The following LAMC1 variants were observed in gnomAD, a reference collection of about 807,000 sequenced individuals.
LAMC1 encodes laminin subunit gamma 1.
In LAMC1, 38 loss-of-function variants were observed where a neutral mutation model predicts 173.6. The observed-to-expected ratio is 0.22, with a 90% CI of 0.17 to 0.29. The LOEUF (loss-of-function observed/expected upper bound fraction) is 0.29, where lower values mean the gene tolerates loss of function less well. Ranked by LOEUF, LAMC1 falls within the 10% of genes least tolerant of loss-of-function variation. The pLI is 1.00. For missense variants in LAMC1, 1,824 were observed against 2,051.8 expected (o/e 0.89, Z 2.14); for synonymous variants, 746 against 749.1 (o/e 1.00, Z 0.07).
chr1:183,117,614 C>G lies in LAMC1; in HGVS notation c.1768C>G (p.Leu590Val), dbSNP rs1369491591. 3.1e-6 allele frequency: 5 copies of G among 1,614,198 alleles called. No homozygotes were observed. Among genetic ancestry groups the G allele is most frequent in the Non-Finnish European group, 3.4e-6 (4 of 1,180,026 alleles). Residue 590 changes from leucine to valine, a missense_variant, in exon 10 of 28, where the codon CTC becomes GTC. Coordinates refer to ENST00000258341, the MANE Select transcript of LAMC1 (RefSeq NM_002293.4). ...TCGAGTGGACAGGCGAGATACTCGC[C>G]TCTCTGCAGAAGACCTTGTGCTTGA... Reference protein sequence around the residue: ...SFRVDRRDTRLSAEDLVLEGA... With the variant: ...SFRVDRRDTRVSAEDLVLEGA...
In LAMC1 at chr1:183,091,328, A is replaced by G. The variant is rs574784169; in HGVS notation, c.419-12000A>G. 2.6e-5 allele frequency among the ~76,000 whole-genome samples: 4 copies of G among 152,250 alleles called. No individual in the cohort carries two copies. The South Asian group carries it at 6.2e-4, about 24-fold the overall frequency. On this transcript the variant is annotated intron_variant, in intron 1 of 27. Transcript: ENST00000258341. ...TTGCTGGCCATGCAGGGTCTCCACA[A>G]TTGCCCAACCCTGCCCTTGTAGCCA...
chr1:183,080,719 G>C (rs539121406), intron 1 of LAMC1, among the ~76,000 whole-genome samples: 1 of 151,170 alleles, frequency 6.6e-6, no homozygotes, highest in Non-Finnish European at 1.5e-5. Flanking sequence ...TTTAAATCCT[G>C]TGTTAAACAA....
intron 1 of LAMC1, among the ~76,000 whole-genome samples, chr1:183,034,673 AAT>A (rs1407599282): frequency 1.6e-4 from 24 of 152,212 alleles, no homozygotes; most frequent in African/African-American, 5.8e-4. Context: ...GAAGAAAAGT[AAT>A]AGACATGAGT....
chr1:183,140,445 A>G lies in LAMC1; in HGVS notation c.4515A>G (p.Lys1505=), dbSNP rs769896027. 2 of 1,613,758 alleles carry G rather than the reference A, an allele frequency of 1.2e-6. No homozygotes were observed. The highest frequency in any genetic ancestry group is 1.7e-6 in the Non-Finnish European group (2 of 1,179,864). ...AAGAAGCCGAGATCAATGCCAGAAA[A>G]GCCAAAAACTCTGTTACTAGCCTCC... ...AAQEAEINAR[K]AKNSVTSLLS... The change falls in exon 27 of 28, where the codon AAA becomes AAG. Residue 1505 remains lysine (K), a synonymous_variant. Transcript: ENST00000258341.
At chr1:183,119,195 T>C (rs2027083) in intron 11 of LAMC1, among the ~76,000 whole-genome samples, 78,692 of 151,896 alleles carry the variant, frequency 0.52, 21,082 homozygotes, top group South Asian at 0.65. Flanking sequence ...CTGCACCCGG[T>C]CAAAATTTTT....
Position 183,024,141 on chromosome 1 carries a change from G to C in LAMC1, c.418+7G>C. 1.3e-6 allele frequency: 2 copies of C among 1,557,206 alleles called. No individual in the cohort carries two copies. Among genetic ancestry groups the C allele is most frequent in the Non-Finnish European group, 1.7e-6 (2 of 1,150,278 alleles). Reference sequence around the variant, plus strand: ...AACCTCACGCTGCACCTGGGTAAGCGGTGACAGCCCCGTCCCCTGCTACTG... The same window carrying C: ...AACCTCACGCTGCACCTGGGTAAGCCGTGACAGCCCCGTCCCCTGCTACTG... On this transcript the variant is annotated splice_region_variant and intron_variant, in intron 1 of 27. Coordinates refer to ENST00000258341, the MANE Select transcript of LAMC1 (RefSeq NM_002293.4).
At chr1:183,095,065 C>G (rs1655658505) in intron 1 of LAMC1, among the ~76,000 whole-genome samples, 1 of 152,096 alleles carries the variant, frequency 6.6e-6, no homozygotes. Flanking sequence ...AGGCTGGTCT[C>G]CAACTCCCAA....
At chr1:183,069,736 A>T (rs1468998295) in intron 1 of LAMC1, among the ~76,000 whole-genome samples, 1 of 152,220 alleles carries the variant, frequency 6.6e-6, no homozygotes, top group African/African-American at 2.4e-5. Context: ...AGTAAGGAGC[A>T]TCGGCTGAGT....
At chr1:183,033,302 C>CT (rs1157134052) in intron 1 of LAMC1, among the ~76,000 whole-genome samples, 1 of 152,200 alleles carries the variant, frequency 6.6e-6, no homozygotes, top group Non-Finnish European at 1.5e-5. Flanking sequence ...CCCTCTCATA[C>CT]AATCAAGCTT....
chr1:183,048,854 C>A (rs759280603), intron 1 of LAMC1, among the ~76,000 whole-genome samples: 8 of 152,162 alleles, frequency 5.3e-5, no homozygotes, highest in Non-Finnish European at 1.2e-4. Context: ...CCCTTCCGCT[C>A]TGTTGTACAC....
chr1:183,129,694 A>G lies in LAMC1; in HGVS notation c.3281-650A>G, dbSNP rs1295954076. Among the ~76,000 whole-genome samples, 5 of 152,162 alleles carry G rather than the reference A, an allele frequency of 3.3e-5. No homozygotes were observed. In the East Asian group the frequency reaches 9.6e-4, roughly 29 times the overall value. On this transcript the variant is annotated intron_variant, in intron 18 of 27. Transcript: ENST00000258341. ...AACCTCATGATACATGAGAGTTTTA[A>G]TAATAACAGACTTATATTTATCTTT...
intron 3 of LAMC1, among the ~76,000 whole-genome samples, chr1:183,108,840 A>T (rs1055222835): frequency 3.9e-5 from 6 of 152,226 alleles, no homozygotes. Context: ...TTTTTAAAAA[A>T]TAGATAAAGC....
chr1:183,114,278 C>A (rs1656252132), intron 4 of LAMC1, among the ~76,000 whole-genome samples: 2 of 152,264 alleles, frequency 1.3e-5, no homozygotes, highest in South Asian at 4.2e-4. Flanking sequence ...ACCGTGTTGG[C>A]CAGGCTGGTC....
chr1:183,141,076 C>T (rs1657099831), intron 27 of LAMC1: 1 of 152,168 alleles, frequency 6.6e-6, no homozygotes, highest in Non-Finnish European at 1.5e-5. Flanking sequence ...TTTAAGAAGC[C>T]ATGCAAGGAG....
chr1:183,122,877 C>T (rs1372765388), intron 13 of LAMC1, among the ~76,000 whole-genome samples: 1 of 152,096 alleles, frequency 6.6e-6, no homozygotes, highest in African/African-American at 2.4e-5. Context: ...CCAAACAGCT[C>T]TTTTTGCCTT....
At chr1:183,078,188 G>A (rs1387695091) in intron 1 of LAMC1, among the ~76,000 whole-genome samples, 1 of 152,146 alleles carries the variant, frequency 6.6e-6, no homozygotes, top group African/African-American at 2.4e-5. Context: ...ACATTGGAAT[G>A]TTAGTTGCTT....
At chr1:183,129,070 C>T (rs1485040415) in intron 18 of LAMC1, among the ~76,000 whole-genome samples, 1 of 142,738 alleles carries the variant, frequency 7.0e-6, no homozygotes, top group African/African-American at 2.6e-5. Flanking sequence ...TAAAGGCATG[C>T]GTCTTCATAA....
chr1:183,077,776 G>GTGTGTGTGTGTGTGTGTGTATATA, intron 1 of LAMC1, among the ~76,000 whole-genome samples: 1 of 116,522 alleles, frequency 8.6e-6, no homozygotes, highest in African/African-American at 2.9e-5. Context: ...TGGCCATTGT[G>GTGTGTGTGTGTGTGTGTGTATATA]TATATATATA....
At chr1:183,037,203 T>G (rs1314032451) in intron 1 of LAMC1, among the ~76,000 whole-genome samples, 1 of 152,234 alleles carries the variant, frequency 6.6e-6, no homozygotes, top group Non-Finnish European at 1.5e-5. Flanking sequence ...GGTCCTGGAT[T>G]TTGTCAGTGT....
Sources: gnomAD v4.1 joint callset for allele counts (sites outside exome capture counted in the v4.1 genomes callset) on GRCh38, gnomAD v4.1.1 for gene constraint, MANE v1.5 for transcripts, NCBI Gene and HGNC (gene_info 2026-07-23, HGNC 2026-07-21) for gene names.